MOB3B: variants seen among roughly 807,000 people sequenced by gnomAD.
MOB3B encodes MOB kinase activator 3B, also known as MOB kinase activator-like 2B.
MOB3B carries 7 observed loss-of-function variants against 18.7 expected under a neutral mutation model. That is an observed-to-expected ratio of 0.37 (90% confidence interval 0.21 to 0.70). The LOEUF (loss-of-function observed/expected upper bound fraction) is 0.70. Among genes scored for constraint, MOB3B ranks in the 30% least tolerant of loss-of-function variants. MOB3B has a pLI of 0.52. For synonymous variants in MOB3B, 111 were observed against 99.9 expected (o/e 1.11, Z -0.66); for missense variants, 253 against 281.3 (o/e 0.90, Z 0.72).
intron 2 of MOB3B, among the ~76,000 whole-genome samples, chr9:27,430,870 C>G (rs1273870337): frequency 1.3e-5 from 2 of 150,092 alleles, no homozygotes; most frequent in East Asian, 3.9e-4. Flanking sequence ...CCGTTCAGAT[C>G]ATTAACCCCA....
At chr9:27,489,420 G>A (rs76324761) in intron 1 of MOB3B, among the ~76,000 whole-genome samples, 7,188 of 152,214 alleles carry the variant, frequency 0.047, 259 homozygotes, top group African/African-American at 0.093. Context: ...ATAGACTTCA[G>A]TCAAAAACAA....
At chr9:27,515,868 C>T (rs190837665) in intron 1 of MOB3B, among the ~76,000 whole-genome samples, 1 of 152,264 alleles carries the variant, frequency 6.6e-6, no homozygotes, top group East Asian at 1.9e-4. Context: ...TTCTAATCCC[C>T]AATACCTATA....
chr9:27,527,470 T>C (rs888752561), intron 1 of MOB3B, among the ~76,000 whole-genome samples: 1 of 152,214 alleles, frequency 6.6e-6, no homozygotes, highest in Non-Finnish European at 1.5e-5. Flanking sequence ...CTTAGCAGTC[T>C]CACTTCTTTT....
intron 2 of MOB3B, among the ~76,000 whole-genome samples, chr9:27,422,705 G>A (rs901344200): frequency 6.6e-6 from 1 of 152,194 alleles, no homozygotes; most frequent in African/African-American, 2.4e-5. Flanking sequence ...ATCTGGAAGA[G>A]ACAATCATAG....
intron 1 of MOB3B, among the ~76,000 whole-genome samples, chr9:27,519,189 G>A (rs572936238): frequency 6.6e-6 from 1 of 152,258 alleles, no homozygotes; most frequent in East Asian, 1.9e-4. Flanking sequence ...TAACTTTACT[G>A]TCATTAAGAC....
intron 2 of MOB3B, among the ~76,000 whole-genome samples, chr9:27,419,020 G>T (rs1822199504): frequency 1.3e-5 from 2 of 149,204 alleles, no homozygotes; most frequent in Non-Finnish European, 3.0e-5. Context: ...CGACCAAGCG[G>T]GGAATCAAAT....
In MOB3B at chr9:27,330,563, T is replaced by C. The variant is rs1173229251; in HGVS notation, c.*24A>G. The C allele has an allele frequency of 1.2e-6, 2 of 1,613,806 alleles. No individual in the cohort carries two copies. The highest frequency in any genetic ancestry group is 2.2e-5 in the East Asian group (1 of 44,860). ...GCACCAGGAGGAAACAGCTTTCCTT[T>C]CTTCCAAAGGGTGAGGTGGAGCATT... On this transcript the variant is annotated 3_prime_UTR_variant, in exon 4 of 4. Transcript: ENST00000262244.
chr9:27,357,575 C>G (rs1359572955), intron 3 of MOB3B, among the ~76,000 whole-genome samples: 5 of 151,964 alleles, frequency 3.3e-5, no homozygotes, highest in Non-Finnish European at 7.4e-5. Context: ...CCTTTCCTTC[C>G]CATGAAAACC....
At chr9:27,379,119 C>T (rs1409280313) in intron 2 of MOB3B, among the ~76,000 whole-genome samples, 1 of 152,138 alleles carries the variant, frequency 6.6e-6, no homozygotes, top group African/African-American at 2.4e-5. Context: ...AGACCACTTG[C>T]AAGGGTTGTT....
At chr9:27,438,671 T>C (rs1035677677) in intron 2 of MOB3B, among the ~76,000 whole-genome samples, 1 of 152,092 alleles carries the variant, frequency 6.6e-6, no homozygotes, top group African/African-American at 2.4e-5. Flanking sequence ...GATAGCACCG[T>C]TGGGAGGACA....
chr9:27,456,134 C>T (rs1225798831), intron 1 of MOB3B, among the ~76,000 whole-genome samples: 1 of 152,180 alleles, frequency 6.6e-6, no homozygotes, highest in East Asian at 1.9e-4. Flanking sequence ...CATGGGGACA[C>T]TTCCCCCATC....
At chr9:27,417,814 G>C (rs1417199378) in intron 2 of MOB3B, among the ~76,000 whole-genome samples, 1 of 152,148 alleles carries the variant, frequency 6.6e-6, no homozygotes, top group Non-Finnish European at 1.5e-5. Flanking sequence ...TGTAATCCCA[G>C]CACTTTGGGA....
At chr9:27,424,572 A>C (rs1822299933) in intron 2 of MOB3B, among the ~76,000 whole-genome samples, 1 of 152,198 alleles carries the variant, frequency 6.6e-6, no homozygotes, top group Middle Eastern at 3.2e-3. Context: ...CCAGTGAAAG[A>C]ACCACCGGGG....
At chr9:27,444,491 T>A (rs79784893) in intron 2 of MOB3B, among the ~76,000 whole-genome samples, 1 of 152,178 alleles carries the variant, frequency 6.6e-6, no homozygotes, top group Non-Finnish European at 1.5e-5. Context: ...GGTACATATA[T>A]GAAAAAGTGG....
intron 1 of MOB3B, among the ~76,000 whole-genome samples, chr9:27,458,314 G>A (rs1819219287): frequency 6.6e-6 from 1 of 152,042 alleles, no homozygotes; most frequent in African/African-American, 2.4e-5. Context: ...ACCTGTGCCA[G>A]GCTCTTGTGG....
chr9:27,410,304 A>G (rs1168984801), intron 2 of MOB3B, among the ~76,000 whole-genome samples: 1 of 152,140 alleles, frequency 6.6e-6, no homozygotes, highest in Non-Finnish European at 1.5e-5. Flanking sequence ...TCTTTACCCA[A>G]TGGGGTCATT....
At chr9:27,425,290 G>A (rs907138363) in intron 2 of MOB3B, among the ~76,000 whole-genome samples, 11 of 151,264 alleles carry the variant, frequency 7.3e-5, no homozygotes, top group East Asian at 2.0e-4. Context: ...CAGGAGAATC[G>A]CTTGAACCCA....
intron 2 of MOB3B, among the ~76,000 whole-genome samples, chr9:27,399,808 A>T (rs948093822): frequency 9.9e-5 from 15 of 152,266 alleles, no homozygotes; most frequent in Non-Finnish European, 1.3e-4. Flanking sequence ...ATGTCCCCAA[A>T]TGAGATCGTA....
At chr9:27,492,009 T>G (rs1819826654) in intron 1 of MOB3B, among the ~76,000 whole-genome samples, 1 of 152,248 alleles carries the variant, frequency 6.6e-6, no homozygotes, top group South Asian at 2.1e-4. Context: ...TTTACTCACT[T>G]CGCTGCTCAA....
Sources: allele counts gnomAD v4.1 joint callset (sites outside exome capture counted in the v4.1 genomes callset), GRCh38; gene constraint gnomAD v4.1.1; transcripts MANE v1.5; gene names NCBI Gene and HGNC (gene_info 2026-07-23, HGNC 2026-07-21).